LRRC4C: variants seen among roughly 807,000 people sequenced by gnomAD.
LRRC4C encodes leucine-rich repeat-containing protein 4C.
Under a neutral mutation model 33.6 loss-of-function variants are expected in LRRC4C, and 5 were observed. The ratio of observed to expected loss-of-function variants is 0.15; its 90% confidence interval spans 0.08 to 0.31. The LOEUF (loss-of-function observed/expected upper bound fraction) is 0.31, where lower values mean the gene tolerates loss of function less well. Among genes scored for constraint, LRRC4C ranks in the 10% least tolerant of loss-of-function variants. The pLI is 1.00. For synonymous variants in LRRC4C, 329 were observed against 302.0 expected, an observed-to-expected ratio of 1.09 and a Z score of -0.93; for missense variants, 560 against 796.7, an observed-to-expected ratio of 0.70 and a Z score of 3.58.
At chr11:40,327,320 A>T (rs201978622) in intron 3 of LRRC4C, among the ~76,000 whole-genome samples, 1 of 151,804 alleles carries the variant, frequency 6.6e-6, no homozygotes, top group African/African-American at 2.4e-5. Context: ...TAGAGAGGCC[A>T]TTTTTTTCAT....
At chr11:41,456,793 C>T (rs565949470) in intron 1 of LRRC4C, among the ~76,000 whole-genome samples, 198 of 152,212 alleles carry the variant, frequency 1.3e-3, no homozygotes, top group Non-Finnish European at 1.5e-3. Flanking sequence ...ACCCTCTCTA[C>T]CACAAAATAA....
chr11:40,892,882 A>G (rs1955783051), intron 2 of LRRC4C, among the ~76,000 whole-genome samples: 1 of 152,198 alleles, frequency 6.6e-6, no homozygotes, highest in Non-Finnish European at 1.5e-5. Flanking sequence ...ACACAATATT[A>G]TAATGTATTT....
At chr11:40,966,001 G>T (rs1851331733) in intron 1 of LRRC4C, among the ~76,000 whole-genome samples, 1 of 152,078 alleles carries the variant, frequency 6.6e-6, no homozygotes. Context: ...CTACCCATGA[G>T]CATGGAATGT....
rs576775186 is a variant in LRRC4C at position 41,152,105 on chromosome 11, T to C, written c.-495-218382A>G. Among the ~76,000 whole-genome samples, 9 of 152,326 alleles carry C rather than the reference T, an allele frequency of 5.9e-5. No individual in the cohort carries two copies. In the East Asian group the frequency reaches 1.5e-3, roughly 26 times the overall value. ...CACGTAGTTCTCTTTCACATGAGGT[T>C]ATATAACCATTATATTCACTCCAGC... On this transcript the variant is annotated intron_variant, in intron 1 of 6. Coordinates refer to ENST00000528697, the MANE Select transcript of LRRC4C (RefSeq NM_001258419.2).
intron 3 of LRRC4C, among the ~76,000 whole-genome samples, chr11:40,566,406 CAAAT>C (rs1957770906): frequency 6.6e-6 from 1 of 151,954 alleles, no homozygotes; most frequent in Admixed American, 6.6e-5. Context: ...AGACAGAAAT[CAAAT>C]AAAACCTATA....
rs200296139 is a variant in LRRC4C at position 41,448,323 on chromosome 11, T to G, written c.-496+11108A>C. ...ATAGAGCTTTTTTTTTTTTTTTTTT[T>G]GAGATGGAGTTTCACTCTGCTGCCC... is the stretch of plus-strand genomic sequence containing the variant. On this transcript the variant is annotated intron_variant, in intron 1 of 6. Transcript: ENST00000528697. Among the ~76,000 whole-genome samples the G allele has an allele frequency of 5.8e-4, 74 of 126,776 alleles. No individual in the cohort carries two copies. The East Asian group carries it at 0.015, about 26-fold the overall frequency. 83.2% of individuals were successfully genotyped at this position (126,776 alleles called of 152,430 possible).
chr11:40,997,393 C>T (rs1854059574), intron 1 of LRRC4C, among the ~76,000 whole-genome samples: 1 of 151,966 alleles, frequency 6.6e-6, no homozygotes, highest in Non-Finnish European at 1.5e-5. Flanking sequence ...TAGAGAGTAG[C>T]CAAAGATGTC....
chr11:40,348,325 C>T (rs1000429704), intron 3 of LRRC4C, among the ~76,000 whole-genome samples: 9 of 151,660 alleles, frequency 5.9e-5, no homozygotes, highest in Admixed American at 2.6e-4. Flanking sequence ...GGTATGCGTG[C>T]ATCACCTCAA....
intron 4 of LRRC4C, among the ~76,000 whole-genome samples, chr11:40,267,827 G>T (rs1942394459): frequency 6.6e-6 from 1 of 152,138 alleles, no homozygotes; most frequent in African/African-American, 2.4e-5. Flanking sequence ...ACAGAATGAA[G>T]TTTAATGAAA....
At chr11:40,166,639 T>G (rs1859620711) in intron 5 of LRRC4C, among the ~76,000 whole-genome samples, 1 of 152,094 alleles carries the variant, frequency 6.6e-6, no homozygotes, top group Non-Finnish European at 1.5e-5. Flanking sequence ...ACTATGATGA[T>G]CGAATAGGAG....
intron 5 of LRRC4C, among the ~76,000 whole-genome samples, chr11:40,171,846 C>A (rs2135437580): frequency 6.6e-6 from 1 of 152,228 alleles, no homozygotes; most frequent in Admixed American, 6.5e-5. Context: ...AAAACGTTGG[C>A]CTGAAAGTCT....
intron 1 of LRRC4C, among the ~76,000 whole-genome samples, chr11:41,430,067 C>G (rs1955182020): frequency 6.6e-6 from 1 of 152,120 alleles, no homozygotes. Context: ...ACCTCTAGAG[C>G]TAAGCTGCCT....
At chr11:41,046,650 A>G (rs547954090) in intron 1 of LRRC4C, among the ~76,000 whole-genome samples, 20 of 152,250 alleles carry the variant, frequency 1.3e-4, no homozygotes, top group South Asian at 6.2e-4. Context: ...CTTGAGGTTG[A>G]CCATTGTGAA....
At chr11:41,003,707 A>G (rs984446276) in intron 1 of LRRC4C, among the ~76,000 whole-genome samples, 2 of 151,826 alleles carry the variant, frequency 1.3e-5, no homozygotes, top group Non-Finnish European at 2.9e-5. Context: ...TCATGAGGTC[A>G]TCTGGTATGC....
At chr11:40,459,405 G>A (rs1952285708) in intron 3 of LRRC4C, among the ~76,000 whole-genome samples, 1 of 143,048 alleles carries the variant, frequency 7.0e-6, no homozygotes, top group Admixed American at 7.1e-5. Flanking sequence ...GCCAGCTTAA[G>A]GGTGCCCATC....
intron 5 of LRRC4C, among the ~76,000 whole-genome samples, chr11:40,210,158 C>A (rs555579499): frequency 2.0e-5 from 3 of 151,532 alleles, no homozygotes; most frequent in Admixed American, 2.0e-4. Context: ...AAAAAAAAAA[C>A]TCTCAAGGCT....
At chr11:40,463,863 T>C (rs1394558706) in intron 3 of LRRC4C, among the ~76,000 whole-genome samples, 1 of 152,080 alleles carries the variant, frequency 6.6e-6, no homozygotes, top group Admixed American at 6.6e-5. Context: ...GAGGAATATC[T>C]ATAGCAGTCT....
At chr11:40,799,880 G>A (rs1950973483) in intron 2 of LRRC4C, among the ~76,000 whole-genome samples, 1 of 152,326 alleles carries the variant, frequency 6.6e-6, no homozygotes, top group Admixed American at 6.5e-5. Flanking sequence ...ATTTTCAGAA[G>A]TGGAAATATA....
At chr11:41,293,580 ATTTTAT>A (rs1044932537) in intron 1 of LRRC4C, among the ~76,000 whole-genome samples, 2 of 151,554 alleles carry the variant, frequency 1.3e-5, no homozygotes, top group Admixed American at 6.6e-5. Context: ...TTATTTTTTT[ATTTTAT>A]TTTTATTTTT....
Sources: allele counts gnomAD v4.1 joint callset (sites outside exome capture counted in the v4.1 genomes callset), GRCh38; gene constraint gnomAD v4.1.1; transcripts MANE v1.5; gene names NCBI Gene and HGNC (gene_info 2026-07-23, HGNC 2026-07-21).